Variants in KCNAB1 observed in about 807,000 individuals in gnomAD.
KCNAB1 encodes the protein potassium voltage-gated channel subfamily A regulatory beta subunit 1.
KCNAB1 carries 35 observed loss-of-function variants against 64.6 expected under a neutral mutation model. The observed-to-expected ratio is 0.54, with a 90% CI of 0.41 to 0.72. The LOEUF (loss-of-function observed/expected upper bound fraction) is 0.72. KCNAB1 is among the 30% of genes least tolerant of loss of function. KCNAB1 has a pLI of 0.00. For missense variants in KCNAB1, 401 were observed against 512.9 expected, an observed-to-expected ratio of 0.78 and a Z score of 2.11; for synonymous variants, 177 against 183.8, an observed-to-expected ratio of 0.96 and a Z score of 0.30.
chr3:156,513,085 A>G (rs1280744576), intron 8 of KCNAB1, among the ~76,000 whole-genome samples: 1 of 152,038 alleles, frequency 6.6e-6, no homozygotes, highest in Non-Finnish European at 1.5e-5. Flanking sequence ...GGTGGCGGGC[A>G]CCTGTAGTCC....
At chr3:156,376,985 A>AG (rs1374178882) in intron 1 of KCNAB1, among the ~76,000 whole-genome samples, 3 of 152,206 alleles carry the variant, frequency 2.0e-5, no homozygotes, top group African/African-American at 7.2e-5. Context: ...CAGCAAAAAA[A>AG]AAGTAAAATA....
intron 1 of KCNAB1, among the ~76,000 whole-genome samples, chr3:156,247,492 G>T (rs550655196): frequency 6.6e-6 from 1 of 152,088 alleles, no homozygotes; most frequent in South Asian, 2.1e-4. Context: ...CATCCTTCAA[G>T]TCTCAGTTCA....
At chr3:156,296,556 G>C (rs6441055) in intron 1 of KCNAB1, among the ~76,000 whole-genome samples, 21,849 of 147,782 alleles carry the variant, frequency 0.15, 4,344 homozygotes, top group African/African-American at 0.46. Flanking sequence ...TCACTGCAAG[G>C]TCCGCCTCCT....
At chr3:156,153,052 T>C (rs996219199) in intron 1 of KCNAB1, among the ~76,000 whole-genome samples, 43 of 152,220 alleles carry the variant, frequency 2.8e-4, no homozygotes, top group Admixed American at 2.0e-4. Flanking sequence ...ATTACTGCAT[T>C]CCCAGAATCT....
intron 1 of KCNAB1, among the ~76,000 whole-genome samples, chr3:156,387,825 G>C (rs577236982): frequency 4.6e-4 from 70 of 152,252 alleles, no homozygotes; most frequent in African/African-American, 1.6e-3. Flanking sequence ...GCAGGATATG[G>C]ACTTATTTTT....
chr3:156,445,459 G>A (rs1310535725), intron 2 of KCNAB1, among the ~76,000 whole-genome samples: 1 of 152,174 alleles, frequency 6.6e-6, no homozygotes, highest in East Asian at 1.9e-4. Context: ...TGATTTCACT[G>A]GGGTGTGGTG....
At chr3:156,288,558 G>C (rs1720220228) in intron 1 of KCNAB1, among the ~76,000 whole-genome samples, 1 of 152,128 alleles carries the variant, frequency 6.6e-6, no homozygotes, top group Non-Finnish European at 1.5e-5. Flanking sequence ...TAATTTCTGG[G>C]CTCCTGAGAC....
chr3:156,198,256 T>A (rs137962719), intron 1 of KCNAB1, among the ~76,000 whole-genome samples: 2,606 of 152,304 alleles, frequency 0.017, 47 homozygotes, highest in South Asian at 0.03. Context: ...GAGAAGAATG[T>A]ATATTCTGTT....
intron 8 of KCNAB1, among the ~76,000 whole-genome samples, chr3:156,482,619 A>G (rs1033372170): frequency 2.0e-5 from 3 of 152,054 alleles, no homozygotes; most frequent in African/African-American, 7.2e-5. Flanking sequence ...TAAGAGTCAG[A>G]CCTCAATTCA....
chr3:156,399,477 T>C (rs1713729990), intron 1 of KCNAB1, among the ~76,000 whole-genome samples: 1 of 151,942 alleles, frequency 6.6e-6, no homozygotes, highest in Admixed American at 6.6e-5. Flanking sequence ...CTTTAGAGAG[T>C]TTTTAGTCTT....
chr3:156,387,014 C>CTCTCTTTTTTTTTTTTTTTTT (rs60888308), intron 1 of KCNAB1, among the ~76,000 whole-genome samples: 11 of 90,524 alleles, frequency 1.2e-4, no homozygotes, highest in African/African-American at 3.8e-4. Context: ...TTCTCTCTCT[C>CTCTCTTTTTTTTTTTTTTTTT]TTTTTTTTTT....
At chr3:156,522,264 T>C (rs1331104334) in intron 11 of KCNAB1, among the ~76,000 whole-genome samples, 13 of 151,978 alleles carry the variant, frequency 8.6e-5, no homozygotes, top group Non-Finnish European at 1.9e-4. Context: ...TCAGAGATAT[T>C]GGTCCTCTGA....
chr3:156,409,715 G>A (rs924950243), intron 1 of KCNAB1, among the ~76,000 whole-genome samples: 6 of 152,182 alleles, frequency 3.9e-5, no homozygotes, highest in South Asian at 4.1e-4. Flanking sequence ...AATGCCTGGC[G>A]CTCTAGTTAG....
At chr3:156,496,228 T>C (rs1038564291) in intron 8 of KCNAB1, among the ~76,000 whole-genome samples, 6 of 152,164 alleles carry the variant, frequency 3.9e-5, no homozygotes, top group Admixed American at 6.5e-5. Context: ...AATTTCTTTC[T>C]TATGGTGATA....
At chr3:156,332,859 C>A (rs1317317087) in intron 1 of KCNAB1, among the ~76,000 whole-genome samples, 1 of 152,126 alleles carries the variant, frequency 6.6e-6, no homozygotes, top group African/African-American at 2.4e-5. Flanking sequence ...CAACTTTTTT[C>A]CCCTGGATTT....
At chr3:156,281,360 G>A (rs1344903123) in intron 1 of KCNAB1, among the ~76,000 whole-genome samples, 12 of 151,810 alleles carry the variant, frequency 7.9e-5, no homozygotes, top group African/African-American at 1.9e-4. Context: ...TGCTGGATTC[G>A]GTTTGCCAGT....
chr3:156,221,070 G>A (rs908185182), intron 1 of KCNAB1, among the ~76,000 whole-genome samples: 10 of 152,216 alleles, frequency 6.6e-5, no homozygotes, highest in Non-Finnish European at 8.8e-5. Flanking sequence ...TGTTCCATTG[G>A]TCTATATCTC....
intron 1 of KCNAB1, chr3:156,143,242 A>G (rs766878065): frequency 6.2e-7 from 1 of 1,613,930 alleles, no homozygotes; most frequent in Non-Finnish European, 8.5e-7. Flanking sequence ...GCCAAAATCC[A>G]GTGAATCGGC....
intron 1 of KCNAB1, among the ~76,000 whole-genome samples, chr3:156,160,286 G>C (rs1304944530): frequency 6.6e-6 from 1 of 152,196 alleles, no homozygotes; most frequent in Non-Finnish European, 1.5e-5. Flanking sequence ...TACAATTTAA[G>C]TATCCTTTCT....
Sources: gnomAD v4.1 joint callset for allele counts (sites outside exome capture counted in the v4.1 genomes callset) on GRCh38, gnomAD v4.1.1 for gene constraint, MANE v1.5 for transcripts, NCBI Gene and HGNC (gene_info 2026-07-23, HGNC 2026-07-21) for gene names.